GALNT13: variants seen among roughly 807,000 people sequenced by gnomAD.
GALNT13 encodes polypeptide N-acetylgalactosaminyltransferase 13, also known as UDP-GalNAc:polypeptide N-acetylgalactosaminyltransferase 13.
A neutral mutation model predicts 64.2 loss-of-function variants in GALNT13; 28 were observed. That is an observed-to-expected ratio of 0.44 (90% confidence interval 0.32 to 0.60). GALNT13 has a LOEUF of 0.60. Ranked by LOEUF, GALNT13 falls within the 20% of genes least tolerant of loss-of-function variation. The pLI, the probability that GALNT13 is intolerant of heterozygous loss-of-function variation, is 0.05. For synonymous variants in GALNT13, 214 were observed against 224.6 expected (o/e 0.95, Z 0.42); for missense variants, 577 against 669.8 (o/e 0.86, Z 1.53).
At chr2:153,769,135 G>T in the GALNT13 span, among the ~76,000 whole-genome samples, 1 of 152,072 alleles carries the variant, frequency 6.6e-6, no homozygotes, top group Admixed American at 6.6e-5. Flanking sequence ...TCTTGTCATA[G>T]TGTTGTTAGC....
chr2:153,449,478 C>T, the GALNT13 span, among the ~76,000 whole-genome samples: 23 of 152,162 alleles, frequency 1.5e-4, no homozygotes, highest in African/African-American at 4.8e-4. Flanking sequence ...CAGTGGAAAG[C>T]GCTCCCTTCC....
chr2:154,354,066 G>A (rs777510075), intron 9 of GALNT13, among the ~76,000 whole-genome samples: 6 of 152,048 alleles, frequency 3.9e-5, no homozygotes, highest in South Asian at 2.1e-4. Flanking sequence ...CCCCACCACC[G>A]TTTGCTATCA....
chr2:154,424,453 C>A (rs1411556905), intron 11 of GALNT13, among the ~76,000 whole-genome samples: 1 of 152,146 alleles, frequency 6.6e-6, no homozygotes, highest in Non-Finnish European at 1.5e-5. Flanking sequence ...TCGTAACACA[C>A]AACAGTTGCT....
chr2:153,190,111 G>A, the GALNT13 span, among the ~76,000 whole-genome samples: 11 of 151,868 alleles, frequency 7.2e-5, no homozygotes, highest in African/African-American at 9.7e-5. Context: ...CGTCCCATTC[G>A]TTTATTCTGT....
At chr2:153,689,679 C>T in the GALNT13 span, among the ~76,000 whole-genome samples, 1 of 151,956 alleles carries the variant, frequency 6.6e-6, no homozygotes, top group African/African-American at 2.4e-5. Flanking sequence ...TTATATAATT[C>T]CTAATGAAGT....
chr2:153,260,760 T>C, the GALNT13 span, among the ~76,000 whole-genome samples: 1 of 152,214 alleles, frequency 6.6e-6, no homozygotes, highest in African/African-American at 2.4e-5. Flanking sequence ...AGTTTTCTGT[T>C]ATTATCTATT....
At chr2:153,813,498 A>G in the GALNT13 span, among the ~76,000 whole-genome samples, 1 of 150,846 alleles carries the variant, frequency 6.6e-6, no homozygotes, top group African/African-American at 2.4e-5. Context: ...TGAGTTATGG[A>G]GAGGGTGGGA....
intron 4 of GALNT13, among the ~76,000 whole-genome samples, chr2:154,165,743 T>C (rs143504038): frequency 6.6e-6 from 1 of 152,332 alleles, no homozygotes; most frequent in East Asian, 1.9e-4. Flanking sequence ...CAAAGGGCAC[T>C]GATTGTAGTT....
At chr2:154,288,188 CT>C (rs1692386687) in intron 8 of GALNT13, among the ~76,000 whole-genome samples, 1 of 152,092 alleles carries the variant, frequency 6.6e-6, no homozygotes, top group Non-Finnish European at 1.5e-5. Flanking sequence ...GATAATGCCC[CT>C]TTATAAAACA....
chr2:154,423,553 C>A (rs1700345913), intron 11 of GALNT13, among the ~76,000 whole-genome samples: 1 of 152,150 alleles, frequency 6.6e-6, no homozygotes, highest in Non-Finnish European at 1.5e-5. Flanking sequence ...TCCTATTTCT[C>A]CACATCCTCT....
the GALNT13 span, among the ~76,000 whole-genome samples, chr2:153,635,479 A>G: frequency 2.7e-5 from 3 of 110,006 alleles, no homozygotes; most frequent in Non-Finnish European, 6.2e-5. Flanking sequence ...TTTGTTTTTA[A>G]CTTACCTTTC....
At chr2:153,556,124 T>C in the GALNT13 span, among the ~76,000 whole-genome samples, 1 of 152,186 alleles carries the variant, frequency 6.6e-6, no homozygotes, top group Non-Finnish European at 1.5e-5. Flanking sequence ...TCTTTTTTCA[T>C]AGATGGTGAT....
chr2:154,455,483 G>C (rs1448600548), downstream of GALNT13, among the ~76,000 whole-genome samples: 1 of 152,100 alleles, frequency 6.6e-6, no homozygotes. Flanking sequence ...TAAATTTCCA[G>C]TTCAGTTGGG....
At chr2:153,478,171 G>A in the GALNT13 span, 1 of 1,323,928 alleles carries the variant, frequency 7.6e-7, no homozygotes, top group East Asian at 2.4e-5. Context: ...CTGATAGTGA[G>A]GGGCACAGCC....
At chr2:153,960,600 C>T (rs895600038) in intron 3 of GALNT13, among the ~76,000 whole-genome samples, 5 of 152,070 alleles carry the variant, frequency 3.3e-5, no homozygotes, top group African/African-American at 9.7e-5. Context: ...GGGTGGTAAT[C>T]GTTGGGTCAT....
At chr2:153,533,717 G>GTTTTTTTTTTT in the GALNT13 span, among the ~76,000 whole-genome samples, 2 of 24,060 alleles carry the variant, frequency 8.3e-5, no homozygotes, top group Non-Finnish European at 1.6e-4. Flanking sequence ...ATATCCTGAG[G>GTTTTTTTTTTT]TTTTTCTTTT....
At chr2:154,341,523 A>G (rs905561673) in intron 9 of GALNT13, among the ~76,000 whole-genome samples, 1 of 152,080 alleles carries the variant, frequency 6.6e-6, no homozygotes, top group Non-Finnish European at 1.5e-5. Flanking sequence ...TATTCCAGAC[A>G]TAGGTGGGAC....
intron 12 of GALNT13, among the ~76,000 whole-genome samples, chr2:154,440,827 G>T (rs990002538): frequency 6.6e-5 from 10 of 152,066 alleles, no homozygotes; most frequent in Non-Finnish European, 1.3e-4. Context: ...ATAATACATT[G>T]CCTTTCTGGA....
At chr2:153,633,235 C>T in the GALNT13 span, among the ~76,000 whole-genome samples, 5 of 152,086 alleles carry the variant, frequency 3.3e-5, no homozygotes, top group Non-Finnish European at 7.4e-5. Context: ...AAAATATAAT[C>T]TATGTTTCCC....
Sources: allele counts gnomAD v4.1 joint callset (sites outside exome capture counted in the v4.1 genomes callset), GRCh38; gene constraint gnomAD v4.1.1; transcripts MANE v1.5; gene names NCBI Gene and HGNC (gene_info 2026-07-23, HGNC 2026-07-21).